Variants in LNX1 observed in about 807,000 individuals in gnomAD.
LNX1 encodes the protein E3 ubiquitin-protein ligase LNX.
A neutral mutation model predicts 68.4 loss-of-function variants in LNX1; 54 were observed. The ratio of observed to expected loss-of-function variants is 0.79; its 90% confidence interval spans 0.63 to 0.99. The LOEUF is 0.99. Ranked by LOEUF, LNX1 falls within the 50% of genes least tolerant of loss-of-function variation. The pLI is 0.00. For synonymous variants in LNX1, 336 were observed against 350.0 expected (o/e 0.96, Z 0.45); for missense variants, 906 against 926.4 (o/e 0.98, Z 0.29).
At chr4:53,559,673 G>C (rs1174742023) in intron 2 of LNX1, among the ~76,000 whole-genome samples, 1 of 151,754 alleles carries the variant, frequency 6.6e-6, no homozygotes, top group Non-Finnish European at 1.5e-5. Flanking sequence ...CAGAGATGGG[G>C]GTCTTGCTCT....
intron 1 of LNX1, among the ~76,000 whole-genome samples, chr4:53,632,222 G>C (rs1734306211): frequency 6.6e-6 from 1 of 152,122 alleles, no homozygotes; most frequent in Non-Finnish European, 1.5e-5. Context: ...ACTTAGAGTG[G>C]GGTTTTCAGG....
At chr4:53,469,866 A>T in intron 9 of LNX1, among the ~76,000 whole-genome samples, 1 of 152,230 alleles carries the variant, frequency 6.6e-6, no homozygotes, top group Non-Finnish European at 1.5e-5. Flanking sequence ...ACTAACCAAA[A>T]AAAGTCCAGG....
chr4:53,642,956 G>A (rs761387444), intron 1 of LNX1, among the ~76,000 whole-genome samples: 1 of 152,134 alleles, frequency 6.6e-6, no homozygotes, highest in African/African-American at 2.4e-5. Flanking sequence ...TCTGTGTGGG[G>A]TGATTTTGCC....
chr4:53,525,925 A>G (rs1727579731), intron 2 of LNX1, among the ~76,000 whole-genome samples: 1 of 152,246 alleles, frequency 6.6e-6, no homozygotes, highest in Non-Finnish European at 1.5e-5. Context: ...ATACCATCCT[A>G]TAATTTAATA....
intron 2 of LNX1, among the ~76,000 whole-genome samples, chr4:53,543,479 T>C (rs1033096196): frequency 5.3e-5 from 8 of 152,110 alleles, no homozygotes; most frequent in Non-Finnish European, 8.8e-5. Context: ...GCTACCTAAG[T>C]GTAAACTCTT....
At chr4:53,486,385 TC>T (rs1457281154) in intron 6 of LNX1, among the ~76,000 whole-genome samples, 1 of 152,132 alleles carries the variant, frequency 6.6e-6, no homozygotes, top group African/African-American at 2.4e-5. Context: ...TCACCCAGCA[TC>T]CCTCTCTTTT....
intron 1 of LNX1, among the ~76,000 whole-genome samples, chr4:53,651,674 G>A (rs562187906): frequency 7.9e-5 from 12 of 152,302 alleles, no homozygotes; most frequent in South Asian, 2.1e-4. Flanking sequence ...ACACACCCGT[G>A]AGCAGGTCAC....
chr4:53,644,305 G>A (rs1734799130), intron 1 of LNX1, among the ~76,000 whole-genome samples: 1 of 152,094 alleles, frequency 6.6e-6, no homozygotes, highest in Admixed American at 6.5e-5. Flanking sequence ...GGAGGCTGAG[G>A]CACGAAAATC....
At chr4:53,635,517 T>G (rs1164073501) in intron 1 of LNX1, among the ~76,000 whole-genome samples, 5 of 152,204 alleles carry the variant, frequency 3.3e-5, no homozygotes, top group African/African-American at 1.2e-4. Context: ...CATTTGGTAT[T>G]AATATATTGC....
intron 2 of LNX1, among the ~76,000 whole-genome samples, chr4:53,568,638 C>T (rs1179930734): frequency 2.1e-5 from 3 of 141,828 alleles, no homozygotes; most frequent in African/African-American, 8.0e-5. Context: ...TCCTATTCAA[C>T]ATAGTGTTGG....
chr4:53,632,791 C>G (rs1296169357), intron 1 of LNX1, among the ~76,000 whole-genome samples: 2 of 152,180 alleles, frequency 1.3e-5, no homozygotes, highest in Non-Finnish European at 1.5e-5. Context: ...GGACAACAGA[C>G]AAGGAACAGC....
chr4:53,478,595 C>T lies in LNX1; in HGVS notation c.1633G>A (p.Val545Ile), dbSNP rs1283417574. The change falls in exon 8 of 11, where the codon GTC (valine) becomes ATC (isoleucine). Residue 545 changes from valine to isoleucine, a missense_variant. Transcript: ENST00000263925. ...TTTATTCTTCCATCTCTGCTTATGA[C>T]TCCTCCGGGCTCAACACTGATGACA... ...IYVISVEPGG[V>I]ISRDGRIKTG... 1 of 1,612,956 alleles carries T rather than the reference C, an allele frequency of 6.2e-7. No individual in the cohort carries two copies. Among genetic ancestry groups the T allele is most frequent in the Non-Finnish European group, 8.5e-7 (1 of 1,179,438 alleles).
intron 2 of LNX1, among the ~76,000 whole-genome samples, chr4:53,516,179 C>G (rs1173908892): frequency 2.0e-5 from 3 of 152,098 alleles, no homozygotes; most frequent in Non-Finnish European, 4.4e-5. Context: ...AAGTTCAAGC[C>G]TGCAGTAGGC....
At chr4:53,604,212 TC>T (rs1733137517) in intron 2 of LNX1, among the ~76,000 whole-genome samples, 1 of 152,198 alleles carries the variant, frequency 6.6e-6, no homozygotes, top group African/African-American at 2.4e-5. Flanking sequence ...TATTACTCTT[TC>T]CCTGCTGCCC....
intron 1 of LNX1, among the ~76,000 whole-genome samples, chr4:53,631,997 G>A (rs1332409221): frequency 1.3e-5 from 2 of 152,188 alleles, no homozygotes; most frequent in Non-Finnish European, 2.9e-5. Flanking sequence ...ATTAATGTAT[G>A]AATGTGGAGA....
At chr4:53,596,886 A>G (rs1009276591) in intron 2 of LNX1, among the ~76,000 whole-genome samples, 3 of 152,196 alleles carry the variant, frequency 2.0e-5, no homozygotes, top group African/African-American at 7.2e-5. Flanking sequence ...TCCCATTTCA[A>G]AAGAAATCTG....
At chr4:53,507,065 C>T (rs765418996) in intron 4 of LNX1, among the ~76,000 whole-genome samples, 6 of 152,064 alleles carry the variant, frequency 3.9e-5, no homozygotes, top group Non-Finnish European at 8.8e-5. Context: ...TATTCTTCCT[C>T]ATATGCATAA....
intron 9 of LNX1, among the ~76,000 whole-genome samples, chr4:53,467,431 C>A (rs1398402213): frequency 6.6e-6 from 1 of 152,098 alleles, no homozygotes; most frequent in Non-Finnish European, 1.5e-5. Context: ...AAAATCAGAG[C>A]GCCTCTCCTC....
chr4:53,535,382 G>A (rs1728298171), intron 2 of LNX1, among the ~76,000 whole-genome samples: 4 of 152,102 alleles, frequency 2.6e-5, no homozygotes, highest in Admixed American at 2.0e-4. Context: ...ACATTTTGAT[G>A]TTGTCACAAA....
Sources: allele counts gnomAD v4.1 joint callset (sites outside exome capture counted in the v4.1 genomes callset), GRCh38; gene constraint gnomAD v4.1.1; transcripts MANE v1.5; gene names NCBI Gene and HGNC (gene_info 2026-07-23, HGNC 2026-07-21).